Variants in SLC6A11 observed in about 807,000 individuals in gnomAD.
The protein encoded by SLC6A11 is sodium- and chloride-dependent GABA transporter 3.
Under a neutral mutation model 74.8 loss-of-function variants are expected in SLC6A11, and 25 were observed. The observed-to-expected ratio is 0.33, with a 90% CI of 0.24 to 0.47. SLC6A11 has a LOEUF of 0.47. SLC6A11 is among the 20% of genes least tolerant of loss of function. SLC6A11 has a pLI of 1.00. For missense variants in SLC6A11, 574 were observed against 837.0 expected (o/e 0.69, Z 3.88); for synonymous variants, 330 against 330.2 (o/e 1.00, Z 0.01).
intron 5 of SLC6A11, among the ~76,000 whole-genome samples, chr3:10,859,886 A>C (rs1472863030): frequency 6.6e-6 from 1 of 152,216 alleles, no homozygotes; most frequent in Non-Finnish European, 1.5e-5. Context: ...CCTGTGTGAC[A>C]CGTGGAATAG....
chr3:10,936,121 G>A (rs1481293376), intron 13 of SLC6A11, among the ~76,000 whole-genome samples: 1 of 152,166 alleles, frequency 6.6e-6, no homozygotes, highest in Non-Finnish European at 1.5e-5. Context: ...TGCTTATTTA[G>A]TAAACAGCAC....
chr3:10,860,881 G>A (rs910647607), intron 5 of SLC6A11, among the ~76,000 whole-genome samples: 5 of 152,318 alleles, frequency 3.3e-5, no homozygotes, highest in Admixed American at 3.3e-4. Context: ...AGAATTGTAG[G>A]TCTTCATAGG....
intron 4 of SLC6A11, among the ~76,000 whole-genome samples, chr3:10,830,453 G>A (rs547085047): frequency 7.2e-5 from 11 of 152,310 alleles, no homozygotes; most frequent in Admixed American, 7.2e-4. Flanking sequence ...CTCATTGTAG[G>A]TTCTGGAATG....
At position 10,904,385 on chromosome 3, in the gene SLC6A11, T is replaced by C. The variant is rs140410111; in HGVS notation, c.892-7705T>C. Reference sequence around the variant, plus strand: ...CCAGAGCTGGAGGTGGGACCACCTCTCTTCTAAAGGGGCCCCACTCCCCTG... The same window carrying C: ...CCAGAGCTGGAGGTGGGACCACCTCCCTTCTAAAGGGGCCCCACTCCCCTG... On this transcript the variant is annotated intron_variant, in intron 6 of 13. Transcript: ENST00000254488. 2.0e-4 allele frequency among the ~76,000 whole-genome samples: 31 copies of C among 152,222 alleles called. No individual in the cohort carries two copies. The East Asian group carries it at 5.6e-3, about 28-fold the overall frequency.
At chr3:10,908,834 G>A (rs1695346278) in intron 6 of SLC6A11, among the ~76,000 whole-genome samples, 1 of 148,040 alleles carries the variant, frequency 6.8e-6, no homozygotes, top group Admixed American at 6.7e-5. Context: ...CATACCCTCT[G>A]GGTTTTTCTA....
chr3:10,835,864 A>C (rs990604371), intron 4 of SLC6A11, among the ~76,000 whole-genome samples: 1 of 152,204 alleles, frequency 6.6e-6, no homozygotes, highest in African/African-American at 2.4e-5. Flanking sequence ...CTTCCTTCTT[A>C]ACTTTTTAGA....
chr3:10,873,991 C>CGCTATGCTATGCTAT (rs879605613), intron 5 of SLC6A11, among the ~76,000 whole-genome samples: 80 of 136,472 alleles, frequency 5.9e-4, no homozygotes, highest in African/African-American at 1.5e-3. Context: ...CGCTACGCTA[C>CGCTATGCTATGCTAT]GCTATGCTAT....
chr3:10,816,291 TG>T lies in SLC6A11; in HGVS notation c.29del (p.Gly10AlafsTer52). 2 of 1,387,518 alleles carry T rather than the reference TG, an allele frequency of 1.4e-6. No individual in the cohort carries two copies. The highest frequency in any genetic ancestry group is 1.7e-5 in the South Asian group (1 of 58,228). 86.0% of individuals were successfully genotyped at this position (1,387,518 alleles called of 1,614,324 possible). On this transcript the variant is annotated frameshift_variant, in exon 1 of 14. Coordinates refer to ENST00000254488, the MANE Select transcript of SLC6A11 (RefSeq NM_014229.3). LOFTEE classifies it high-confidence loss of function. This position sits in a 1 kb window ranked among gnomAD's most constrained non-coding sequence, Gnocchi z 4.2. The stretch of plus-strand genomic sequence containing the variant: ...ATGACGGCGGAGAAGGCGCTGCCCC[TG>T]GGCAATGGGAAGGCTGCTGAGGAGG... MTAEKALP[L>X]GNGKAAEEAR...
At chr3:10,904,807 C>T (rs115272057) in intron 6 of SLC6A11, among the ~76,000 whole-genome samples, 24 of 152,250 alleles carry the variant, frequency 1.6e-4, no homozygotes, top group African/African-American at 3.9e-4. Context: ...AGAGCCAGAA[C>T]GCTCTAGGTT....
At chr3:10,886,619 C>A (rs1420903142) in intron 6 of SLC6A11, among the ~76,000 whole-genome samples, 2 of 152,102 alleles carry the variant, frequency 1.3e-5, no homozygotes, top group East Asian at 3.8e-4. Context: ...CCAGCCTGAC[C>A]AATATGATGA....
At chr3:10,879,134 A>G (rs983834437) in intron 6 of SLC6A11, among the ~76,000 whole-genome samples, 7 of 152,142 alleles carry the variant, frequency 4.6e-5, no homozygotes, top group Middle Eastern at 3.2e-3. Flanking sequence ...ATTTTTCACA[A>G]GAAGGTTCTC....
chr3:10,838,762 A>G (rs910699036), intron 4 of SLC6A11, among the ~76,000 whole-genome samples: 16 of 152,150 alleles, frequency 1.1e-4, no homozygotes, highest in African/African-American at 2.9e-4. Flanking sequence ...ATATGTATAT[A>G]TATCAATTTG....
chr3:10,890,442 T>C (rs1400052486), intron 6 of SLC6A11, among the ~76,000 whole-genome samples: 1 of 152,252 alleles, frequency 6.6e-6, no homozygotes, highest in African/African-American at 2.4e-5. Context: ...GAGGCTGTGA[T>C]AGCTGTACAT....
intron 5 of SLC6A11, among the ~76,000 whole-genome samples, chr3:10,869,684 C>A (rs1372508309): frequency 6.6e-6 from 1 of 152,344 alleles, no homozygotes; most frequent in South Asian, 2.1e-4. Context: ...CAGCGTTATC[C>A]GACTCTAAGC....
chr3:10,912,936 G>A (rs1357839910), intron 7 of SLC6A11, among the ~76,000 whole-genome samples: 1 of 152,104 alleles, frequency 6.6e-6, no homozygotes, highest in Non-Finnish European at 1.5e-5. Flanking sequence ...CATGGTAGAT[G>A]GACAGCGCAT....
chr3:10,929,360 C>A (rs41315896), intron 10 of SLC6A11, 21 bp downstream of exon 10: 1 of 1,612,082 alleles, frequency 6.2e-7, no homozygotes, highest in Non-Finnish European at 8.5e-7. Context: ...TGGTTCGGGC[C>A]GCACGGGGTG....
chr3:10,914,075 C>T (rs962961409), intron 7 of SLC6A11, among the ~76,000 whole-genome samples: 26 of 152,226 alleles, frequency 1.7e-4, no homozygotes, highest in African/African-American at 6.0e-4. Flanking sequence ...TGCCATACCC[C>T]TGCTGGTGGG....
At chr3:10,886,263 T>A (rs1200724726) in intron 6 of SLC6A11, among the ~76,000 whole-genome samples, 1 of 152,220 alleles carries the variant, frequency 6.6e-6, no homozygotes, top group African/African-American at 2.4e-5. Context: ...ACTCCCTTGC[T>A]CACCACCCCA....
At chr3:10,817,758 T>C (rs1694082114) in intron 1 of SLC6A11, among the ~76,000 whole-genome samples, 1 of 152,198 alleles carries the variant, frequency 6.6e-6, no homozygotes. Context: ...AGGCACAGGC[T>C]GCTCCAAGCC....
Sources: allele counts gnomAD v4.1 joint callset (sites outside exome capture counted in the v4.1 genomes callset), GRCh38; gene constraint gnomAD v4.1.1; non-coding constraint Gnocchi (gnomAD v3.1); transcripts MANE v1.5; gene names NCBI Gene and HGNC (gene_info 2026-07-23, HGNC 2026-07-21).